The following MYH14 variants were observed in gnomAD, a reference collection of about 807,000 sequenced individuals.
MYH14 encodes the protein myosin-14.
In MYH14, 123 loss-of-function variants were observed where a neutral mutation model predicts 255.5. The observed-to-expected ratio is 0.48, with a 90% CI of 0.42 to 0.56. The LOEUF (loss-of-function observed/expected upper bound fraction) is 0.56, where lower values mean the gene tolerates loss of function less well. Among genes scored for constraint, MYH14 ranks in the 20% least tolerant of loss-of-function variants. The pLI is 0.00. For synonymous variants in MYH14, 1,095 were observed against 1,161.2 expected (o/e 0.94, Z 1.16); for missense variants, 2,423 against 2,802.3 (o/e 0.86, Z 3.06).
intron 15 of MYH14, among the ~76,000 whole-genome samples, chr19:50,251,569 C>CACATATATATATATAT (rs1491546469): frequency 1.7e-5 from 2 of 121,084 alleles, no homozygotes; most frequent in African/African-American, 6.5e-5. Context: ...CACACACACA[C>CACATATATATATATAT]ATATATATAT....
In MYH14 at chr19:50,255,289, G is replaced by GGT. The variant is rs1304929402; in HGVS notation, c.2017_2018dup (p.Ser674AlafsTer19). 1 of 1,551,360 alleles carries GGT rather than the reference G, an allele frequency of 6.4e-7. No homozygotes were observed. Among genetic ancestry groups the GGT allele is most frequent in the Admixed American group, 2.0e-5 (1 of 51,000 alleles). On this transcript the variant is annotated frameshift_variant, in exon 17 of 43. Coordinates refer to ENST00000642316, the MANE Select transcript of MYH14 (RefSeq NM_001145809.2). LOFTEE classifies it high-confidence loss of function. ...CCGTCGCCCCCAGGATCTGCAGAGA[G>GGT]GTGCAGCTCTGCTATTTCTCCGCCA...
intron 10 of MYH14, among the ~76,000 whole-genome samples, chr19:50,238,244 A>G (rs537378976): frequency 6.6e-6 from 1 of 152,280 alleles, no homozygotes; most frequent in East Asian, 1.9e-4. Context: ...GCTGACTGCC[A>G]GGTCCTCAGG....
At chr19:50,248,382 A>G (rs1006535837) in intron 12 of MYH14, among the ~76,000 whole-genome samples, 7 of 152,106 alleles carry the variant, frequency 4.6e-5, no homozygotes, top group African/African-American at 1.7e-4. Flanking sequence ...GAGTCTTGGC[A>G]ATCGTGGGAG....
intron 33 of MYH14, among the ~76,000 whole-genome samples, chr19:50,283,170 A>G (rs1450423494): frequency 6.6e-6 from 1 of 151,904 alleles, no homozygotes; most frequent in African/African-American, 2.4e-5. Flanking sequence ...CCAAGGCTAG[A>G]GTGCAGTGGC....
At chr19:50,277,196 T>C (rs909393454) in intron 29 of MYH14, among the ~76,000 whole-genome samples, 1 of 152,088 alleles carries the variant, frequency 6.6e-6, no homozygotes, top group African/African-American at 2.4e-5. Flanking sequence ...TCAGTTTATA[T>C]TGGGGTGATA....
chr19:50,274,846 C>T (rs890555683), intron 27 of MYH14, among the ~76,000 whole-genome samples: 2 of 151,148 alleles, frequency 1.3e-5, no homozygotes, highest in South Asian at 2.1e-4. Flanking sequence ...TGGGAGGATC[C>T]TTTGAACCTG....
chr19:50,292,484 G>T (rs1002975689), intron 37 of MYH14, 95 bp downstream of exon 37: 8 of 866,070 alleles, frequency 9.2e-6, no homozygotes, highest in Non-Finnish European at 3.1e-6. Context: ...GGAGGTGGGC[G>T]GGGCTAACCA....
At chr19:50,300,371 C>T (rs746675746) in intron 39 of MYH14, among the ~76,000 whole-genome samples, 2 of 152,142 alleles carry the variant, frequency 1.3e-5, no homozygotes, top group Non-Finnish European at 2.9e-5. Flanking sequence ...AATTACTGTG[C>T]TAATAAAACT....
intron 10 of MYH14, among the ~76,000 whole-genome samples, chr19:50,238,866 C>A (rs2033775197): frequency 6.6e-6 from 1 of 152,190 alleles, no homozygotes; most frequent in African/African-American, 2.4e-5. Context: ...CATCCTCCCA[C>A]CTCCTCTGAA....
At chr19:50,302,663 G>T (rs570871033) in intron 40 of MYH14, among the ~76,000 whole-genome samples, 58 of 152,272 alleles carry the variant, frequency 3.8e-4, no homozygotes, top group African/African-American at 1.3e-3. Flanking sequence ...CACTTTGGGA[G>T]GCTGAGGCGG....
intron 6 of MYH14, chr19:50,224,766 A>G: frequency 2.2e-6 from 1 of 456,336 alleles, no homozygotes; most frequent in Non-Finnish European, 4.4e-6. Flanking sequence ...TATATGCCAG[A>G]CTGCTTGAAG....
intron 15 of MYH14, among the ~76,000 whole-genome samples, chr19:50,251,231 G>C (rs2034357755): frequency 6.6e-6 from 1 of 151,960 alleles, no homozygotes; most frequent in Non-Finnish European, 1.5e-5. Context: ...TTCTGTAAAG[G>C]GTCCGATAGT....
rs200022421 is a variant in MYH14, at chr19:50,224,169, G to A, written c.709G>A (p.Val237Met). ...ACTTCCTCAGGCCTCCGTCAGCACCGTGTCTTATGTGAGTAGCAGGGGATC... is the reference window on the plus strand; with the variant it reads ...ACTTCCTCAGGCCTCCGTCAGCACCATGTCTTATGTGAGTAGCAGGGGATC... ...EPGVPASVST[V>M]SYGELERQLL... Residue 237 changes from valine (V) to methionine (M), a missense_variant, in exon 6 of 43, where the codon GTG (valine) becomes ATG (methionine). Transcript: ENST00000642316. The A allele has an allele frequency of 6.2e-5, 100 of 1,613,756 alleles. No individual in the cohort carries two copies. Among genetic ancestry groups the A allele is most frequent in the Non-Finnish European group, 7.5e-5 (89 of 1,179,848 alleles).
chr19:50,273,290 CAAAAAAAAAAAA>C (rs778739770), intron 27 of MYH14, among the ~76,000 whole-genome samples: 4 of 78,630 alleles, frequency 5.1e-5, no homozygotes, highest in East Asian at 5.6e-4. Context: ...GACTATGTCT[CAAAAAAAAAAAA>C]AAAAAAAAAA....
intron 30 of MYH14, among the ~76,000 whole-genome samples, chr19:50,278,713 A>G (rs1458179442): frequency 6.6e-6 from 1 of 151,656 alleles, no homozygotes; most frequent in East Asian, 2.0e-4. Context: ...CAAAATAATA[A>G]TAATAATACC....
chr19:50,207,931 T>G (rs906813058), intron 1 of MYH14, among the ~76,000 whole-genome samples: 1 of 152,210 alleles, frequency 6.6e-6, no homozygotes, highest in African/African-American at 2.4e-5. Flanking sequence ...CCAGGACCTT[T>G]GCACTGCTGT....
chr19:50,235,553 G>A (rs755867112), intron 10 of MYH14, among the ~76,000 whole-genome samples: 79 of 151,578 alleles, frequency 5.2e-4, no homozygotes, highest in Non-Finnish European at 1.0e-3. Flanking sequence ...GCCGAGGTGG[G>A]AGAATCACTT....
rs1225008850 is a variant in MYH14 at position 50,221,911 on chromosome 19, C to G, written c.563-1172C>G. Among the ~76,000 whole-genome samples, 1 of 152,194 alleles carries G rather than the reference C, an allele frequency of 6.6e-6. No homozygotes were observed. Among genetic ancestry groups the G allele is most frequent in the Non-Finnish European group, 1.5e-5 (1 of 68,036 alleles). Reference sequence around the variant, plus strand: ...CTGTGCCCTCTGCCTGAAATGCCACCTCCACTGAGAAGCCTTCCCTGCTCC... The same window carrying G: ...CTGTGCCCTCTGCCTGAAATGCCACGTCCACTGAGAAGCCTTCCCTGCTCC... On this transcript the variant is annotated intron_variant, in intron 3 of 42. Coordinates refer to ENST00000642316, the MANE Select transcript of MYH14 (RefSeq NM_001145809.2). This position sits in a 1 kb window ranked among gnomAD's most constrained non-coding sequence, Gnocchi z 5.3.
Position 50,293,241 on chromosome 19 carries a change from C to T in MYH14, c.5265C>T (p.Ala1755=), listed in dbSNP as rs772913613. Residue 1755 remains alanine (A), a synonymous_variant, in exon 38 of 43, where the codon GCC becomes GCT. Coordinates refer to ENST00000642316, the MANE Select transcript of MYH14 (RefSeq NM_001145809.2). The surrounding 1 kb of genome is among the most constrained non-coding windows in gnomAD (Gnocchi z 4.1). The part of the protein sequence containing the change: ...AEVLRLQEEL[A]ASDRARRQAQ... ...CCCCTCCATCATCACAGGAACTGGC[C>T]GCCTCGGACCGTGCTCGGCGGCAGG... 26 of 1,604,596 alleles carry T rather than the reference C, an allele frequency of 1.6e-5. No individual in the cohort carries two copies. In the East Asian group the frequency reaches 2.7e-4, roughly 17 times the overall value.
Sources: allele counts gnomAD v4.1 joint callset (sites outside exome capture counted in the v4.1 genomes callset), GRCh38; gene constraint gnomAD v4.1.1; non-coding constraint Gnocchi (gnomAD v3.1); transcripts MANE v1.5; gene names NCBI Gene and HGNC (gene_info 2026-07-23, HGNC 2026-07-21).